CMSS1: variants seen among roughly 807,000 people sequenced by gnomAD.
CMSS1 encodes the protein cms1 ribosomal small subunit homolog, also known as protein CMSS1.
In CMSS1, 33 loss-of-function variants were observed where a neutral mutation model predicts 43.5. That is an observed-to-expected ratio of 0.76 (90% CI 0.57 to 1.01). The LOEUF is 1.01. Among genes scored for constraint, CMSS1 ranks in the 50% least tolerant of loss-of-function variants. The probability of loss-of-function intolerance (pLI) is 0.00; values close to 1 mark genes in which losing one functional copy is unlikely to be tolerated. For synonymous variants in CMSS1, 115 were observed against 117.2 expected, an observed-to-expected ratio of 0.98 and a Z score of 0.12; for missense variants, 313 against 326.4, an observed-to-expected ratio of 0.96 and a Z score of 0.32.
chr3:100,030,102 G>A (rs1347195981), intron 1 of CMSS1, among the ~76,000 whole-genome samples: 3 of 152,112 alleles, frequency 2.0e-5, no homozygotes, highest in African/African-American at 7.2e-5. Flanking sequence ...ATAAGGAAAC[G>A]GAGACCCAAC....
intron 1 of CMSS1, among the ~76,000 whole-genome samples, chr3:100,082,292 C>A (rs1174903661): frequency 6.6e-6 from 1 of 152,088 alleles, no homozygotes; most frequent in African/African-American, 2.4e-5. Context: ...AAAGTAAATA[C>A]TACTTATTAC....
chr3:99,933,166 T>G (rs1469944848), intron 1 of CMSS1, among the ~76,000 whole-genome samples: 1 of 152,180 alleles, frequency 6.6e-6, no homozygotes, highest in Non-Finnish European at 1.5e-5. Context: ...CTCTTAAAAA[T>G]CATGCCGTAA....
intron 1 of CMSS1, among the ~76,000 whole-genome samples, chr3:99,879,711 T>G (rs114575883): frequency 2.3e-3 from 345 of 152,352 alleles, no homozygotes; most frequent in African/African-American, 8.0e-3. Flanking sequence ...AGCTATGAGA[T>G]GGTAATGCTA....
chr3:100,048,785 T>C (rs1428529767), intron 1 of CMSS1, among the ~76,000 whole-genome samples: 1 of 152,140 alleles, frequency 6.6e-6, no homozygotes, highest in Non-Finnish European at 1.5e-5. Context: ...AGCCCTAGGT[T>C]TTTCTCCTAG....
intron 1 of CMSS1, among the ~76,000 whole-genome samples, chr3:100,064,449 G>A (rs983599981): frequency 9.3e-5 from 14 of 150,998 alleles, no homozygotes; most frequent in East Asian, 7.7e-4. Context: ...AACAGTGTTC[G>A]TGTTTGCCAG....
intron 1 of CMSS1, among the ~76,000 whole-genome samples, chr3:99,932,639 C>T (rs1707520723): frequency 6.6e-6 from 1 of 152,120 alleles, no homozygotes. Context: ...CCTGTAATGC[C>T]AACACTTTGG....
intron 1 of CMSS1, among the ~76,000 whole-genome samples, chr3:99,842,565 G>C (rs1943182949): frequency 6.7e-6 from 1 of 150,218 alleles, no homozygotes; most frequent in African/African-American, 2.4e-5. Flanking sequence ...GGACCATTTG[G>C]CTATGAGGAG....
At chr3:100,114,194 G>C (rs2066535378) in intron 1 of CMSS1, 1 of 151,386 alleles carries the variant, frequency 6.6e-6, no homozygotes, top group Non-Finnish European at 1.5e-5. Flanking sequence ...TGTTTTGTAG[G>C]CTTGAAAGCC....
chr3:100,066,592 C>T (rs1199992572), intron 1 of CMSS1, among the ~76,000 whole-genome samples: 1 of 70,900 alleles, frequency 1.4e-5, no homozygotes, highest in Non-Finnish European at 2.7e-5. Context: ...AGTGCAGTGG[C>T]GGGATCTCGG....
Position 99,843,786 on chromosome 3 carries a change from G to A in CMSS1, c.64+25743G>A, listed in dbSNP as rs140556468. Among the ~76,000 whole-genome samples the A allele has an allele frequency of 1.7e-4, 26 of 152,194 alleles. No homozygotes were observed. The East Asian group carries it at 4.1e-3, about 24-fold the overall frequency. On this transcript the variant is annotated intron_variant, in intron 1 of 9. Coordinates refer to ENST00000421999, the MANE Select transcript of CMSS1 (RefSeq NM_032359.4). ...GTCCATGGCTTGTTAGGAGCCGAGC[G>A]GCAAGCAGAAGGTGAGTGGCAGGCA...
intron 1 of CMSS1, among the ~76,000 whole-genome samples, chr3:99,948,906 G>T (rs1454296413): frequency 6.6e-6 from 1 of 152,164 alleles, no homozygotes; most frequent in Non-Finnish European, 1.5e-5. Flanking sequence ...CACCCTCATT[G>T]TAAACTGCAC....
chr3:99,931,042 G>A, intron 1 of CMSS1: 1 of 1,606,646 alleles, frequency 6.2e-7, no homozygotes, highest in Admixed American at 1.7e-5. Flanking sequence ...TGGAAGGAGG[G>A]AAGAAAATTT....
intron 1 of CMSS1, among the ~76,000 whole-genome samples, chr3:99,977,375 A>T (rs1709002493): frequency 6.6e-6 from 1 of 152,144 alleles, no homozygotes; most frequent in Non-Finnish European, 1.5e-5. Flanking sequence ...GAATAGAGAG[A>T]TCTGAAGCAG....
intron 1 of CMSS1, among the ~76,000 whole-genome samples, chr3:99,913,612 G>T (rs532187838): frequency 6.6e-6 from 1 of 152,114 alleles, no homozygotes; most frequent in African/African-American, 2.4e-5. Context: ...AATAGAAAAA[G>T]TATTGTATGA....
intron 1 of CMSS1, among the ~76,000 whole-genome samples, chr3:100,005,901 C>CT (rs1355928940): frequency 6.6e-6 from 1 of 152,154 alleles, no homozygotes; most frequent in Non-Finnish European, 1.5e-5. Flanking sequence ...TGCTACCCAC[C>CT]ATCTCTTTGC....
At chr3:99,825,799 CAG>C (rs1334063704) in intron 1 of CMSS1, among the ~76,000 whole-genome samples, 178 of 101,100 alleles carry the variant, frequency 1.8e-3, no homozygotes, top group African/African-American at 6.3e-3. Flanking sequence ...TTTTTTGAGA[CAG>C]AGTTTTGCTC....
chr3:100,031,619 TTC>T (rs1264243841), intron 1 of CMSS1, among the ~76,000 whole-genome samples: 1 of 152,028 alleles, frequency 6.6e-6, no homozygotes, highest in East Asian at 1.9e-4. Flanking sequence ...TCCTCCTGTG[TTC>T]TTTTTTTTTA....
intron 1 of CMSS1, among the ~76,000 whole-genome samples, chr3:100,026,755 C>A (rs1018069020): frequency 2.0e-5 from 3 of 152,144 alleles, no homozygotes; most frequent in African/African-American, 7.2e-5. Context: ...CAAACCACCA[C>A]CGTCTCTCTC....
At chr3:99,882,882 T>C (rs1451859871) in intron 1 of CMSS1, among the ~76,000 whole-genome samples, 5 of 152,250 alleles carry the variant, frequency 3.3e-5, no homozygotes, top group Non-Finnish European at 5.9e-5. Flanking sequence ...TGGAGATTTA[T>C]AGATTGCTGC....
Sources: gnomAD v4.1 joint callset for allele counts (sites outside exome capture counted in the v4.1 genomes callset) on GRCh38, gnomAD v4.1.1 for gene constraint, MANE v1.5 for transcripts, NCBI Gene and HGNC (gene_info 2026-07-23, HGNC 2026-07-21) for gene names.